Variants in ITGA9 observed in about 807,000 individuals in gnomAD.
ITGA9 encodes integrin subunit alpha 9, also known as integrin alpha-9.
In ITGA9, 56 loss-of-function variants were observed where a neutral mutation model predicts 127.8. The observed-to-expected ratio is 0.44, with a 90% CI of 0.35 to 0.55. The LOEUF (loss-of-function observed/expected upper bound fraction) is 0.55. ITGA9 is among the 20% of genes least tolerant of loss of function. The pLI is 0.00. For synonymous variants in ITGA9, 508 were observed against 514.5 expected (o/e 0.99, Z 0.17); for missense variants, 1,196 against 1,347.1 (o/e 0.89, Z 1.76).
intron 1 of ITGA9, among the ~76,000 whole-genome samples, chr3:37,457,817 G>T (rs1486375340): frequency 6.6e-6 from 1 of 152,146 alleles, no homozygotes; most frequent in Middle Eastern, 3.2e-3. Flanking sequence ...GCTGGCTGGG[G>T]GCAGAGACAG....
chr3:37,558,994 A>G (rs1388584708), intron 15 of ITGA9, among the ~76,000 whole-genome samples: 1 of 152,092 alleles, frequency 6.6e-6, no homozygotes, highest in African/African-American at 2.4e-5. Context: ...TATTTGTGTT[A>G]CTTGGATATT....
At chr3:37,708,401 C>T (rs369253907) in intron 18 of ITGA9, among the ~76,000 whole-genome samples, 5 of 152,290 alleles carry the variant, frequency 3.3e-5, no homozygotes, top group East Asian at 1.9e-4. Context: ...AAATCTACCT[C>T]GTGATGGGAG....
intron 1 of ITGA9, among the ~76,000 whole-genome samples, chr3:37,459,415 G>A (rs761641027): frequency 4.6e-5 from 7 of 152,214 alleles, no homozygotes; most frequent in Non-Finnish European, 8.8e-5. Flanking sequence ...AGATAGTGGT[G>A]TTCTCACTCT....
At chr3:37,803,558 G>GGA (rs1697259201) in intron 26 of ITGA9, among the ~76,000 whole-genome samples, 1 of 152,186 alleles carries the variant, frequency 6.6e-6, no homozygotes, top group Admixed American at 6.5e-5. Flanking sequence ...GCCGAGGTGG[G>GGA]TGGATCACCT....
chr3:37,481,052 C>T (rs76282459), intron 3 of ITGA9, among the ~76,000 whole-genome samples: 2,618 of 152,228 alleles, frequency 0.017, 70 homozygotes, highest in African/African-American at 0.058. Flanking sequence ...CACTCCAGAC[C>T]GGCCTTTCTT....
chr3:37,744,341 G>A (rs771170084), intron 22 of ITGA9, among the ~76,000 whole-genome samples: 2 of 152,206 alleles, frequency 1.3e-5, no homozygotes, highest in Non-Finnish European at 2.9e-5. Flanking sequence ...ATGACCCCAT[G>A]AGGACCCCTT....
Position 37,597,308 on chromosome 3 carries a change from C to T in ITGA9, c.1690-31879C>T, listed in dbSNP as rs1030971265. Reference sequence around the variant, plus strand: ...AGGGAGAAAGGGCCAACCTCAGTATCTAAGGGTTAAGGGTGTGCAAGAGAG... The same window carrying T: ...AGGGAGAAAGGGCCAACCTCAGTATTTAAGGGTTAAGGGTGTGCAAGAGAG... On this transcript the variant is annotated intron_variant, in intron 15 of 27. Coordinates refer to ENST00000264741, the MANE Select transcript of ITGA9 (RefSeq NM_002207.3). This position sits in a 1 kb window ranked among gnomAD's most constrained non-coding sequence, Gnocchi z 4.6. Among the ~76,000 whole-genome samples, 4 of 152,140 alleles carry T rather than the reference C, an allele frequency of 2.6e-5. No individual in the cohort carries two copies. Among genetic ancestry groups the T allele is most frequent in the Non-Finnish European group, 5.9e-5 (4 of 68,040 alleles).
intron 25 of ITGA9, among the ~76,000 whole-genome samples, chr3:37,780,265 C>T (rs1360280383): frequency 6.6e-6 from 1 of 151,972 alleles, no homozygotes; most frequent in Non-Finnish European, 1.5e-5. Flanking sequence ...TTTAGTGTAC[C>T]CAATAGTGAA....
At position 37,744,007 on chromosome 3, in the gene ITGA9, C is replaced by T. The variant is rs369875453; in HGVS notation, c.2406C>T (p.His802=). The T allele has an allele frequency of 2.5e-6, 4 of 1,613,798 alleles. No individual in the cohort carries two copies. Among genetic ancestry groups the T allele is most frequent in the Middle Eastern group, 1.6e-4 (1 of 6,082 alleles). Residue 802 remains histidine (H), a synonymous_variant, in exon 22 of 28, where the codon CAC becomes CAT. Coordinates refer to ENST00000264741, the MANE Select transcript of ITGA9 (RefSeq NM_002207.3). ...TTCAGCTGGATGACCTGGAGTGTCA[C>T]TTTCAGCCCATCAATATCACCCTTC... ...NFIQLDDLEC[H]FQPINITLQV...
chr3:37,756,602 C>T (rs1287302598), intron 23 of ITGA9, among the ~76,000 whole-genome samples: 2 of 152,174 alleles, frequency 1.3e-5, no homozygotes, highest in Non-Finnish European at 2.9e-5. Flanking sequence ...TCTTATTTTC[C>T]TCATCTGTAA....
intron 15 of ITGA9, among the ~76,000 whole-genome samples, chr3:37,599,816 T>A (rs1263044675): frequency 1.3e-5 from 2 of 152,254 alleles, no homozygotes; most frequent in African/African-American, 4.8e-5. Context: ...ACATTTTATG[T>A]ATTTTGCATG....
intron 27 of ITGA9, among the ~76,000 whole-genome samples, chr3:37,811,174 T>C (rs1369609537): frequency 6.6e-6 from 1 of 152,206 alleles, no homozygotes; most frequent in African/African-American, 2.4e-5. Context: ...TTAAACTTTA[T>C]GTGCGAGGAT....
At chr3:37,769,812 T>G (rs1422389808) in intron 23 of ITGA9, among the ~76,000 whole-genome samples, 1 of 152,152 alleles carries the variant, frequency 6.6e-6, no homozygotes, top group African/African-American at 2.4e-5. Context: ...AGGGAGAAAT[T>G]TGTAGACAAG....
chr3:37,613,332 A>G (rs1164845159), intron 15 of ITGA9, among the ~76,000 whole-genome samples: 1 of 152,162 alleles, frequency 6.6e-6, no homozygotes, highest in African/African-American at 2.4e-5. Flanking sequence ...CATGGTGTAT[A>G]TGTGTCACAT....
intron 3 of ITGA9, among the ~76,000 whole-genome samples, chr3:37,479,722 G>A (rs1698532456): frequency 6.6e-6 from 1 of 152,208 alleles, no homozygotes; most frequent in African/African-American, 2.4e-5. Context: ...GTAGGAATGA[G>A]AAGTTTTAAG....
At chr3:37,649,009 A>G (rs957369953) in intron 16 of ITGA9, among the ~76,000 whole-genome samples, 3 of 151,524 alleles carry the variant, frequency 2.0e-5, no homozygotes, top group Non-Finnish European at 4.4e-5. Context: ...TTGTGAACTT[A>G]TAACAGACTG....
At chr3:37,511,551 G>C (rs1260634252) in intron 8 of ITGA9, among the ~76,000 whole-genome samples, 1 of 152,242 alleles carries the variant, frequency 6.6e-6, no homozygotes, top group Non-Finnish European at 1.5e-5. Flanking sequence ...GCAGCCAGCA[G>C]CTTGGCTCTT....
chr3:37,784,900 G>A, intron 25 of ITGA9, 77 bp from the exon 26 acceptor site: 1 of 1,223,762 alleles, frequency 8.2e-7, no homozygotes, highest in South Asian at 1.2e-5. Flanking sequence ...TGGAATTTCA[G>A]TTCTGCCCAG....
At chr3:37,592,502 C>A (rs1254647737) in intron 15 of ITGA9, among the ~76,000 whole-genome samples, 1 of 152,190 alleles carries the variant, frequency 6.6e-6, no homozygotes, top group African/African-American at 2.4e-5. Flanking sequence ...CTTCTACCGA[C>A]TTTCCATTGG....
Sources: gnomAD v4.1 joint callset for allele counts (sites outside exome capture counted in the v4.1 genomes callset) on GRCh38, gnomAD v4.1.1 for gene constraint, Gnocchi (gnomAD v3.1) non-coding constraint, MANE v1.5 for transcripts, NCBI Gene and HGNC (gene_info 2026-07-23, HGNC 2026-07-21) for gene names.